BRINP3: variants seen among roughly 807,000 people sequenced by gnomAD.
BRINP3 encodes the protein BMP/retinoic acid inducible neural specific 3.
Under a neutral mutation model 71.0 loss-of-function variants are expected in BRINP3, and 19 were observed. That is an observed-to-expected ratio of 0.27 (90% confidence interval 0.19 to 0.39). BRINP3 has a LOEUF of 0.39. Among genes scored for constraint, BRINP3 ranks in the 10% least tolerant of loss-of-function variants. The pLI, the probability that BRINP3 is intolerant of heterozygous loss-of-function variation, is 1.00. For missense variants in BRINP3, 959 were observed against 940.8 expected (o/e 1.02, Z -0.25); for synonymous variants, 380 against 337.7 (o/e 1.13, Z -1.37).
intron 2 of BRINP3, among the ~76,000 whole-genome samples, chr1:190,332,603 A>G (rs1667039411): frequency 6.6e-6 from 1 of 151,980 alleles, no homozygotes; most frequent in African/African-American, 2.4e-5. Flanking sequence ...TCTCAAAACA[A>G]CAGGCTCCTT....
intron 2 of BRINP3, among the ~76,000 whole-genome samples, chr1:190,298,694 T>C (rs1042172267): frequency 1.3e-4 from 20 of 152,152 alleles, no homozygotes; most frequent in African/African-American, 3.4e-4. Context: ...GAATATACTC[T>C]GTGTGATCAT....
At chr1:190,366,665 A>G (rs1049304950) in intron 2 of BRINP3, among the ~76,000 whole-genome samples, 18 of 152,116 alleles carry the variant, frequency 1.2e-4, no homozygotes, top group Admixed American at 2.0e-4. Context: ...GAGACTATAA[A>G]ATCAAAAGCA....
chr1:190,292,548 T>C (rs879744262), intron 2 of BRINP3, among the ~76,000 whole-genome samples: 11 of 152,026 alleles, frequency 7.2e-5, no homozygotes, highest in Non-Finnish European at 1.6e-4. Flanking sequence ...CTCAAGAGGC[T>C]GAGAAGGGAA....
At chr1:190,188,223 C>T (rs184788803) in intron 6 of BRINP3, among the ~76,000 whole-genome samples, 5 of 152,124 alleles carry the variant, frequency 3.3e-5, no homozygotes, top group African/African-American at 1.2e-4. Flanking sequence ...ATTTTGTATC[C>T]TGCAACTTAA....
At chr1:190,419,306 G>A (rs548476922) in intron 2 of BRINP3, among the ~76,000 whole-genome samples, 1 of 152,070 alleles carries the variant, frequency 6.6e-6, no homozygotes, top group East Asian at 1.9e-4. Flanking sequence ...TAAGAGTTAA[G>A]AAATCAGTAA....
chr1:190,323,667 T>A (rs1342083561), intron 2 of BRINP3, among the ~76,000 whole-genome samples: 2 of 151,888 alleles, frequency 1.3e-5, no homozygotes, highest in Non-Finnish European at 2.9e-5. Context: ...TCTCTGTGGT[T>A]GAATATGATA....
At chr1:190,102,076 C>T (rs952744612) in intron 7 of BRINP3, among the ~76,000 whole-genome samples, 4 of 152,086 alleles carry the variant, frequency 2.6e-5, no homozygotes, top group South Asian at 2.1e-4. Flanking sequence ...TGCTCCTTTG[C>T]GTCCTTTTTC....
At chr1:190,465,170 C>T (rs1018111578) in intron 1 of BRINP3, among the ~76,000 whole-genome samples, 4 of 151,740 alleles carry the variant, frequency 2.6e-5, no homozygotes, top group Middle Eastern at 3.2e-3. Flanking sequence ...GGTGTTTCAA[C>T]GTAGATGATC....
intron 6 of BRINP3, among the ~76,000 whole-genome samples, chr1:190,188,021 T>A (rs1341066470): frequency 6.9e-6 from 1 of 145,848 alleles, no homozygotes; most frequent in African/African-American, 2.8e-5. Flanking sequence ...ACACAGGGTA[T>A]TTTTTTATTT....
chr1:190,329,681 T>C (rs1050780135), intron 2 of BRINP3, among the ~76,000 whole-genome samples: 8 of 151,952 alleles, frequency 5.3e-5, no homozygotes, highest in African/African-American at 1.9e-4. Flanking sequence ...AAAATGAGCC[T>C]GAATAGCCAA....
chr1:190,476,042 TG>T (rs1488340162), intron 1 of BRINP3: 3 of 150,392 alleles, frequency 2.0e-5, no homozygotes, highest in African/African-American at 7.4e-5. Context: ...GGGCGCCAAG[TG>T]GTGCGGACCA....
At chr1:190,143,414 G>A (rs771924609) in intron 7 of BRINP3, among the ~76,000 whole-genome samples, 1 of 152,132 alleles carries the variant, frequency 6.6e-6, no homozygotes, top group Non-Finnish European at 1.5e-5. Context: ...ACTACTCAAA[G>A]GTCAAGCCTT....
Position 190,120,243 on chromosome 1 carries a change from A to T in BRINP3, c.1185-21109T>A, listed in dbSNP as rs552114230. Reference sequence around the variant, plus strand: ...CCTTCAGCACTAATTTTTCTCTGTTACAACCTTATCTCATTGCAGCCAATT... The same window carrying T: ...CCTTCAGCACTAATTTTTCTCTGTTTCAACCTTATCTCATTGCAGCCAATT... On this transcript the variant is annotated intron_variant, in intron 7 of 7. Coordinates refer to ENST00000367462, the MANE Select transcript of BRINP3 (RefSeq NM_199051.3). Among the ~76,000 whole-genome samples the T allele has an allele frequency of 3.3e-5, 5 of 152,260 alleles. No individual in the cohort carries two copies. In the South Asian group the frequency reaches 1.0e-3, roughly 32 times the overall value.
chr1:190,106,380 C>T (rs1388189975), intron 7 of BRINP3, among the ~76,000 whole-genome samples: 1 of 151,576 alleles, frequency 6.6e-6, no homozygotes, highest in Non-Finnish European at 1.5e-5. Flanking sequence ...TGCATTGCAA[C>T]CTTCAAAACC....
intron 2 of BRINP3, among the ~76,000 whole-genome samples, chr1:190,289,788 T>C (rs922301593): frequency 5.3e-5 from 8 of 152,146 alleles, no homozygotes; most frequent in African/African-American, 1.9e-4. Flanking sequence ...GGAACTGCCA[T>C]CTTTTCTGCT....
chr1:190,457,517 G>A (rs1349993157), intron 1 of BRINP3, among the ~76,000 whole-genome samples: 1 of 151,892 alleles, frequency 6.6e-6, no homozygotes, highest in Non-Finnish European at 1.5e-5. Flanking sequence ...TTGACTTTAG[G>A]CAAGTTACTT....
chr1:190,308,946 T>C (rs778608224), intron 2 of BRINP3, among the ~76,000 whole-genome samples: 1 of 151,944 alleles, frequency 6.6e-6, no homozygotes, highest in Admixed American at 6.6e-5. Flanking sequence ...CTTCTAGATA[T>C]ATATGTAAAA....
At chr1:190,208,477 T>C (rs1655707138) in intron 6 of BRINP3, among the ~76,000 whole-genome samples, 3 of 151,968 alleles carry the variant, frequency 2.0e-5, no homozygotes, top group Admixed American at 6.6e-5. Context: ...ACTTTATTTA[T>C]TTATTTGTTT....
At chr1:190,255,664 C>T (rs1660594894) in intron 4 of BRINP3, among the ~76,000 whole-genome samples, 2 of 151,418 alleles carry the variant, frequency 1.3e-5, no homozygotes. Context: ...TTATTTTATT[C>T]TTCTCTTTTC....
Sources: gnomAD v4.1 joint callset for allele counts (sites outside exome capture counted in the v4.1 genomes callset) on GRCh38, gnomAD v4.1.1 for gene constraint, MANE v1.5 for transcripts, NCBI Gene and HGNC (gene_info 2026-07-23, HGNC 2026-07-21) for gene names.